The following ATM variants were observed in gnomAD, a reference collection of about 807,000 sequenced individuals.
ATM encodes the protein serine-protein kinase ATM.
ATM carries 308 observed loss-of-function variants against 387.0 expected under a neutral mutation model. The observed-to-expected ratio is 0.80, with a 90% CI of 0.73 to 0.87. ATM has a LOEUF of 0.87. Ranked by LOEUF, ATM falls within the 40% of genes least tolerant of loss-of-function variation. The pLI, the probability that ATM is intolerant of heterozygous loss-of-function variation, is 0.00. For missense variants in ATM, 3,312 were observed against 3,560.9 expected, an observed-to-expected ratio of 0.93 and a Z score of 1.78; for synonymous variants, 1,156 against 1,187.3, an observed-to-expected ratio of 0.97 and a Z score of 0.54.
chr11:108,284,498 T>C, intron 26 of ATM, 25 bp downstream of exon 26: 1 of 1,612,826 alleles, frequency 6.2e-7, no homozygotes, highest in Non-Finnish European at 8.5e-7. Flanking sequence ...TTTATGTACT[T>C]TTCATTCCCT....
At chr11:108,241,261 G>A (rs566263753) in intron 5 of ATM, among the ~76,000 whole-genome samples, 2 of 152,194 alleles carry the variant, frequency 1.3e-5, no homozygotes, top group African/African-American at 4.8e-5. Flanking sequence ...ACCTGAGACT[G>A]TTTTACTGTT....
At chr11:108,319,865 A>C (rs2085064348) in intron 43 of ATM, 89 bp from the exon 44 acceptor site, 2 of 912,504 alleles carry the variant, frequency 2.2e-6, no homozygotes, top group East Asian at 2.4e-5. Context: ...TGTTAATTTA[A>C]AAATTTTGTC....
At chr11:108,270,727 G>T (rs4987980) in intron 18 of ATM, among the ~76,000 whole-genome samples, 1 of 151,890 alleles carries the variant, frequency 6.6e-6, no homozygotes, top group African/African-American at 2.4e-5. Context: ...ACGGAATCTC[G>T]CTCTGTTGCC....
chr11:108,285,084 C>G (rs1028966159), intron 26 of ATM, among the ~76,000 whole-genome samples: 3 of 152,108 alleles, frequency 2.0e-5, no homozygotes, highest in African/African-American at 7.2e-5. Flanking sequence ...CTCAGCCACC[C>G]AAGTAGCTGG....
chr11:108,281,065 T>C lies in ATM; in HGVS notation c.3473T>C (p.Ile1158Thr), dbSNP rs1060501588. ...YNRKSVLLTLIAVVLSCSPIC... is the reference protein window; with the variant it reads ...YNRKSVLLTLTAVVLSCSPIC... ...AGAAAATCTGTTTTACTGACGTTGA[T>C]AGCTGTGGTTTTATCCTGTAGCCCT... The change falls in exon 24 of 63, where the codon ATA becomes ACA. Residue 1158 changes from isoleucine to threonine, a missense_variant. Physicochemically the swap from Ile to Thr is moderately conservative, Grantham distance 89. Coordinates refer to ENST00000675843, the MANE Select transcript of ATM (RefSeq NM_000051.4). 2 of 1,613,832 alleles carry C rather than the reference T, an allele frequency of 1.2e-6. No homozygotes were observed. The highest frequency in any genetic ancestry group is 1.7e-6 in the Non-Finnish European group (2 of 1,179,876).
chr11:108,329,467 C>T (rs576189477), intron 49 of ATM, among the ~76,000 whole-genome samples: 16 of 151,616 alleles, frequency 1.1e-4, no homozygotes, highest in South Asian at 4.2e-4. Flanking sequence ...AGTACAGTGG[C>T]GTGATCACTG....
intron 3 of ATM, among the ~76,000 whole-genome samples, chr11:108,228,350 AAC>A (rs2078847251): frequency 6.6e-6 from 1 of 152,334 alleles, no homozygotes; most frequent in East Asian, 1.9e-4. Flanking sequence ...ACAATGAAAA[AAC>A]ACAACTGATT....
chr11:108,244,000 G>C lies in ATM; in HGVS notation c.544G>C (p.Val182Leu), dbSNP rs3218707. ...GCTCTATCTGAAACCTTCACAAGATGTTCATAGAGTTTTAGTGGCTAGAAT... is the reference window on the plus strand; with the variant it reads ...GCTCTATCTGAAACCTTCACAAGATCTTCATAGAGTTTTAGTGGCTAGAAT... Reference protein sequence around the residue: ...FRLYLKPSQDVHRVLVARIIH... With the variant: ...FRLYLKPSQDLHRVLVARIIH... Residue 182 changes from valine (V) to leucine (L), a missense_variant, in exon 6 of 63, where the codon GTT becomes CTT. This residue lies in a region of ATM where 1,791 missense variants were observed against 1,804.5 expected (regional missense o/e 0.99). Coordinates refer to ENST00000675843, the MANE Select transcript of ATM (RefSeq NM_000051.4). The C allele has an allele frequency of 1.9e-3, 3,125 of 1,610,832 alleles. 31 individuals carry two copies. In the African/African-American group the frequency reaches 0.024, roughly 12 times the overall value.
intron 58 of ATM, 22 bp from the exon 59 acceptor site, chr11:108,347,257 T>A: frequency 6.6e-7 from 1 of 1,520,186 alleles, no homozygotes; most frequent in Non-Finnish European, 9.1e-7. Context: ...GATTTCAGAT[T>A]GTTTGTTTCT....
intron 48 of ATM, among the ~76,000 whole-genome samples, chr11:108,328,481 A>G (rs1370142044): frequency 6.6e-6 from 1 of 152,080 alleles, no homozygotes; most frequent in East Asian, 1.9e-4. Context: ...CCTGACCTCA[A>G]GTGATCCACC....
chr11:108,360,509 A>G (rs1293940723), intron 61 of ATM, among the ~76,000 whole-genome samples: 4 of 129,866 alleles, frequency 3.1e-5, no homozygotes, highest in South Asian at 2.8e-4. Flanking sequence ...AGAATTTTAG[A>G]CCAATATCCT....
At chr11:108,284,774 G>A (rs2082404903) in intron 26 of ATM, among the ~76,000 whole-genome samples, 1 of 152,078 alleles carries the variant, frequency 6.6e-6, no homozygotes, top group Non-Finnish European at 1.5e-5. Flanking sequence ...ATGCAAACTG[G>A]TTGTTAAAGT....
chr11:108,310,719 G>T (rs1235614147), intron 39 of ATM, among the ~76,000 whole-genome samples: 2 of 151,874 alleles, frequency 1.3e-5, no homozygotes. Flanking sequence ...ATTCATTTTG[G>T]ATATAAAATA....
chr11:108,331,272 T>C, intron 50 of ATM, 172 bp from the exon 51 acceptor site: 2 of 1,369,002 alleles, frequency 1.5e-6, no homozygotes, highest in Non-Finnish European at 1.9e-6. Context: ...GAGTACCCAT[T>C]AGAAAGACCT....
At chr11:108,229,087 G>C in intron 3 of ATM, 91 bp from the exon 4 acceptor site, 1 of 1,333,948 alleles carries the variant, frequency 7.5e-7, no homozygotes, top group South Asian at 1.3e-5. Context: ...TGGTTTAAAA[G>C]TTGCTCTTTG....
chr11:108,256,437 G>A (rs2135396856), intron 14 of ATM, 97 bp downstream of exon 14: 2 of 1,309,536 alleles, frequency 1.5e-6, no homozygotes, highest in Non-Finnish European at 2.1e-6. Context: ...TAAATTTTAT[G>A]CAGGTTAACC....
chr11:108,240,843 T>C (rs1311340145), intron 5 of ATM, among the ~76,000 whole-genome samples: 2 of 152,228 alleles, frequency 1.3e-5, no homozygotes, highest in African/African-American at 4.8e-5. Context: ...ATGTTTTTCT[T>C]TCTTCAATAC....
Position 108,268,576 on chromosome 11 carries a change from G to C in ATM, c.2805G>C (p.Thr935=), listed in dbSNP as rs55934812. The C allele has an allele frequency of 6.1e-4, 990 of 1,614,006 alleles. 2 individuals carry two copies. Among genetic ancestry groups the C allele is most frequent in the Non-Finnish European group, 7.7e-4 (908 of 1,179,996 alleles). ...TGTTAATGTTAATTGATTCTAGCAC[G>C]CTAGAACCTACCAAATCCCTCCACC... is the stretch of plus-strand genomic sequence containing the variant. The part of the protein sequence containing the change: ...RKLLMLIDSS[T]LEPTKSLHLH... Residue 935 remains threonine, a synonymous_variant, in exon 18 of 63, where the codon ACG becomes ACC. Coordinates refer to ENST00000675843, the MANE Select transcript of ATM (RefSeq NM_000051.4).
Position 108,338,690 on chromosome 11 carries a change from ATAAT to A in ATM, c.8268+2736_8268+2739del, listed in dbSNP as rs144669804. Among the ~76,000 whole-genome samples, 1,402 of 152,150 alleles carry A rather than the reference ATAAT, an allele frequency of 9.2e-3. 23 individuals carry two copies. Among genetic ancestry groups the A allele is most frequent in the African/African-American group, 0.031 (1,280 of 41,484 alleles). ...AAAGTGGGGTTGGGGGGTAACCCAGATAATTAATTATTTAATGTTATACATCTCA... is the reference window on the plus strand; with the variant it reads ...AAAGTGGGGTTGGGGGGTAACCCAGATAATTATTTAATGTTATACATCTCA... On this transcript the variant is annotated intron_variant, in intron 56 of 62. Transcript: ENST00000675843.
Sources: allele counts gnomAD v4.1 joint callset (sites outside exome capture counted in the v4.1 genomes callset), GRCh38; gene constraint gnomAD v4.1.1; regional missense constraint gnomAD v4.1.1; transcripts MANE v1.5; gene names NCBI Gene and HGNC (gene_info 2026-07-23, HGNC 2026-07-21).